Variants in COMT observed in about 807,000 individuals in gnomAD.
COMT encodes the protein catechol-O-methyltransferase, also known as catechol O-methyltransferase.
In COMT, 13 loss-of-function variants were observed where a neutral mutation model predicts 18.9. That is an observed-to-expected ratio of 0.69 (90% CI 0.45 to 1.09). The LOEUF (loss-of-function observed/expected upper bound fraction) is 1.09, where lower values mean the gene tolerates loss of function less well. Among genes scored for constraint, COMT ranks in the 50% least tolerant of loss-of-function variants. The pLI is 0.00. For missense variants in COMT, 329 were observed against 361.8 expected, an observed-to-expected ratio of 0.91 and a Z score of 0.73; for synonymous variants, 150 against 160.9, an observed-to-expected ratio of 0.93 and a Z score of 0.51.
rs9332344 is a variant in COMT at position 19,954,522 on chromosome 22, G to A, written c.-91-6677G>A. Among the ~76,000 whole-genome samples the A allele has an allele frequency of 3.9e-3, 596 of 152,184 alleles. 3 individuals carry two copies. Among genetic ancestry groups the A allele is most frequent in the African/African-American group, 0.014 (569 of 41,540 alleles). ...GGCTGGAGTGTAATGGCACCATCTC[G>A]GCTCACTGCAACCTCCACCTCCCGA... On this transcript the variant is annotated intron_variant, in intron 1 of 5. Coordinates refer to ENST00000361682, the MANE Select transcript of COMT (RefSeq NM_000754.4).
In COMT at chr22:19,966,631, G is replaced by T. The variant is rs1017486538; in HGVS notation, c.616-1905G>T. Among the ~76,000 whole-genome samples the T allele has an allele frequency of 8.5e-5, 13 of 152,062 alleles. No individual in the cohort carries two copies. In the East Asian group the frequency reaches 1.5e-3, roughly 18 times the overall value. ...AATTTAAAAATTTTTTGTAGAAATG[G>T]GGTCTCCCTATGTTGCCCAGACTGG... On this transcript the variant is annotated intron_variant, in intron 5 of 5. Coordinates refer to ENST00000361682, the MANE Select transcript of COMT (RefSeq NM_000754.4).
chr22:19,949,213 T>C (rs1941888168), intron 1 of COMT, among the ~76,000 whole-genome samples: 1 of 152,042 alleles, frequency 6.6e-6, no homozygotes, highest in African/African-American at 2.4e-5. Context: ...CTCAGCTTAC[T>C]GCAGCCTTGA....
In COMT at chr22:19,962,644, G is replaced by C. The variant is rs984098043; in HGVS notation, c.118G>C (p.Glu40Gln). 1.9e-6 allele frequency: 3 copies of C among 1,606,068 alleles called. No individual in the cohort carries two copies. Among genetic ancestry groups the C allele is most frequent in the Non-Finnish European group, 2.5e-6 (3 of 1,177,416 alleles). The stretch of plus-strand genomic sequence containing the variant: ...GGGCCTGTGCCTTATCGGCTGGAAC[G>C]AGTTCATCCTGCAGCCCATCCACAA... ...GWGLCLIGWN[E>Q]FILQPIHNLL... Residue 40 changes from glutamate (E) to glutamine (Q), a missense_variant, in exon 3 of 6, where the codon GAG becomes CAG. Physicochemically the swap from Glu to Gln is conservative, Grantham distance 29. Transcript: ENST00000361682.
chr22:19,969,744 C>T lies in COMT; in HGVS notation c.*1008C>T. On this transcript the variant is annotated 3_prime_UTR_variant, in exon 6 of 6. Transcript: ENST00000361682. ...GAGCCCAAGTGGACAAGTTTGGGGCCACCCAGGGACCAGAAACAGAGCCTC... is the reference window on the plus strand; with the variant it reads ...GAGCCCAAGTGGACAAGTTTGGGGCTACCCAGGGACCAGAAACAGAGCCTC... The T allele has an allele frequency of 1.2e-6, 1 of 821,176 alleles. No homozygotes were observed. The highest frequency in any genetic ancestry group is 5.6e-5 in the South Asian group (1 of 18,008). 50.9% of individuals were successfully genotyped at this position (821,176 alleles called of 1,614,324 possible).
intron 1 of COMT, among the ~76,000 whole-genome samples, chr22:19,943,566 T>A (rs141777138): frequency 6.6e-6 from 1 of 151,596 alleles, no homozygotes; most frequent in East Asian, 1.9e-4. Context: ...CGTTTGAGCC[T>A]GGGAGGCGGA....
chr22:19,961,388 G>A (rs753654708), intron 2 of COMT, 99 bp downstream of exon 2: 1 of 152,324 alleles, frequency 6.6e-6, no homozygotes, highest in Non-Finnish European at 1.5e-5. Context: ...CACTCTGCCT[G>A]TGTAAATAGG....
chr22:19,952,656 C>CAAA (rs201715907), intron 1 of COMT, among the ~76,000 whole-genome samples: 1 of 132,084 alleles, frequency 7.6e-6, no homozygotes, highest in Non-Finnish European at 1.6e-5. Flanking sequence ...AACAAAACAA[C>CAAA]AACAAAAAAA....
intron 1 of COMT, among the ~76,000 whole-genome samples, chr22:19,960,498 G>A (rs1289376934): frequency 1.3e-5 from 2 of 152,198 alleles, no homozygotes; most frequent in Non-Finnish European, 2.9e-5. Context: ...CTGTCCTTAG[G>A]GAAGCACCAT....
At position 19,941,901 on chromosome 22, in the gene COMT, A is replaced by G; in HGVS notation, c.-92+4A>G. 7.7e-7 allele frequency: 1 copy of G among 1,292,914 alleles called. No individual in the cohort carries two copies. The highest frequency in any genetic ancestry group is 1.8e-5 in the South Asian group (1 of 56,658). The allele number at this position is 1,292,914 out of a possible 1,614,324, so 80.1% of individuals were successfully genotyped here. A position where few individuals can be genotyped will look rare whatever the true frequency, so the allele number is the denominator to read the frequency against. The stretch of plus-strand genomic sequence containing the variant: ...CGGGCGGGCCGTCGCGGGAGAGGTG[A>G]GAGCGCTGGCTAGACCGGGGCCGAA... On this transcript the variant is annotated splice_donor_region_variant and intron_variant, in intron 1 of 5. Coordinates refer to ENST00000361682, the MANE Select transcript of COMT (RefSeq NM_000754.4).
At position 19,941,854 on chromosome 22, in the gene COMT, C is replaced by G. The variant is rs1406129026; in HGVS notation, c.-135C>G. On this transcript the variant is annotated 5_prime_UTR_variant, in exon 1 of 6. Transcript: ENST00000361682. ...GGGCTGCCCGCCGCGCTGCCTGCGCCGGACCGGGGCGGGTCCAGTCCCGGG... is the reference window on the plus strand; with the variant it reads ...GGGCTGCCCGCCGCGCTGCCTGCGCGGGACCGGGGCGGGTCCAGTCCCGGG... The G allele has an allele frequency of 6.8e-7, 1 of 1,460,602 alleles. No homozygotes were observed. Among genetic ancestry groups the G allele is most frequent in the South Asian group, 1.3e-5 (1 of 74,400 alleles). The allele number at this position is 1,460,602 out of a possible 1,614,324, so 90.5% of individuals were successfully genotyped here.
rs778861844 is a variant in COMT, at chr22:19,968,751, C to T, written c.*15C>T. 8.1e-6 allele frequency: 13 copies of T among 1,604,920 alleles called. No homozygotes were observed. Among genetic ancestry groups the T allele is most frequent in the South Asian group, 1.1e-5 (1 of 90,520 alleles). ...CAGGGCCCTGACTGCCCCCCCGGCC[C>T]CCCTCTCGGGCTCTCTCACCCAGCC... On this transcript the variant is annotated 3_prime_UTR_variant, in exon 6 of 6. Coordinates refer to ENST00000361682, the MANE Select transcript of COMT (RefSeq NM_000754.4).
At chr22:19,944,419 A>G (rs1941801804) in intron 1 of COMT, among the ~76,000 whole-genome samples, 2 of 152,014 alleles carry the variant, frequency 1.3e-5, no homozygotes, top group South Asian at 4.2e-4. Flanking sequence ...GTGGTGGTGC[A>G]CTCAGGAGGC....
At position 19,961,505 on chromosome 22, in the gene COMT, G is replaced by A. The variant is rs372065401; in HGVS notation, c.-1+216G>A. Among the ~76,000 whole-genome samples the A allele has an allele frequency of 1.3e-3, 199 of 152,318 alleles. 5 individuals carry two copies. In the South Asian group the frequency reaches 0.039, roughly 30 times the overall value. ...CTGCTCTGTCCTCTGGTGCCCTGAG[G>A]CTGGCCTCCAGGGGTGTCCCCTCTG... On this transcript the variant is annotated intron_variant, in intron 2 of 5. Transcript: ENST00000361682.
chr22:19,956,137 C>CCTTTTTTTTTTTT (rs1569129365), intron 1 of COMT, among the ~76,000 whole-genome samples: 1 of 84,818 alleles, frequency 1.2e-5, no homozygotes, highest in Non-Finnish European at 2.1e-5. Context: ...TTCTTTTTTT[C>CCTTTTTTTTTTTT]TTTTTTTTTT....
intron 1 of COMT, among the ~76,000 whole-genome samples, chr22:19,955,927 TTCTC>T: frequency 6.6e-6 from 1 of 152,070 alleles, no homozygotes. Context: ...AGCCCAGTCT[TTCTC>T]TCCGTGGCCC....
At chr22:19,951,866 C>A (rs963839104) in intron 1 of COMT, among the ~76,000 whole-genome samples, 1 of 152,208 alleles carries the variant, frequency 6.6e-6, no homozygotes, top group Non-Finnish European at 1.5e-5. Flanking sequence ...TGAAGTCAGG[C>A]CCCCAGTCCC....
chr22:19,965,239 CAG>C (rs1200698085), intron 5 of COMT: 1 of 152,594 alleles, frequency 6.6e-6, no homozygotes, highest in African/African-American at 2.4e-5. Flanking sequence ...GAGCTGGGCT[CAG>C]GGGCTCATGC....
At chr22:19,964,380 G>A (rs1183743608) in intron 5 of COMT, 81 bp downstream of exon 5, 1 of 1,596,562 alleles carries the variant, frequency 6.3e-7, no homozygotes, top group Non-Finnish European at 8.6e-7. Context: ...CAAAGAGCCA[G>A]GCATTCCAGT....
intron 5 of COMT, chr22:19,967,269 G>C: frequency 8.1e-7 from 1 of 1,240,118 alleles, no homozygotes; most frequent in Non-Finnish European, 1.1e-6. Flanking sequence ...CAGGAGCCCA[G>C]GCCCCTCACT....
Sources: gnomAD v4.1 joint callset for allele counts (sites outside exome capture counted in the v4.1 genomes callset) on GRCh38, gnomAD v4.1.1 for gene constraint, MANE v1.5 for transcripts, NCBI Gene and HGNC (gene_info 2026-07-23, HGNC 2026-07-21) for gene names.